The following ARHGAP22 variants were observed in gnomAD, a reference collection of about 807,000 sequenced individuals.
ARHGAP22 encodes the protein rho GTPase-activating protein 22.
Under a neutral mutation model 59.1 loss-of-function variants are expected in ARHGAP22, and 48 were observed. The ratio of observed to expected loss-of-function variants is 0.81; its 90% CI spans 0.64 to 1.03. ARHGAP22 has a LOEUF of 1.03. ARHGAP22 is among the 50% of genes least tolerant of loss of function. The pLI is 0.00. For missense variants in ARHGAP22, 1,015 were observed against 958.7 expected (o/e 1.06, Z -0.78); for synonymous variants, 445 against 416.4 (o/e 1.07, Z -0.84).
intron 3 of ARHGAP22, among the ~76,000 whole-genome samples, chr10:48,491,757 T>G (rs1056598952): frequency 6.6e-6 from 1 of 152,250 alleles, no homozygotes; most frequent in South Asian, 2.1e-4. Context: ...TGTGGGATCT[T>G]GAGGGAAGCA....
chr10:48,459,672 T>C lies in ARHGAP22; in HGVS notation c.659+12A>G, dbSNP rs777618717. On this transcript the variant is annotated intron_variant, in intron 5 of 9. Coordinates refer to ENST00000249601, the MANE Select transcript of ARHGAP22 (RefSeq NM_021226.4). ...ACAAATGGCTCCACCTTACCCCCGATCACAAGCTCACCTGTCAAACAGTGG... is the reference window on the plus strand; with the variant it reads ...ACAAATGGCTCCACCTTACCCCCGACCACAAGCTCACCTGTCAAACAGTGG... The C allele has an allele frequency of 3.9e-5, 63 of 1,613,852 alleles. No homozygotes were observed. The highest frequency in any genetic ancestry group is 5.3e-5 in the Non-Finnish European group (62 of 1,179,904).
chr10:48,435,494 T>C, the ARHGAP22 span: 1 of 152,456 alleles, frequency 6.6e-6, no homozygotes, highest in African/African-American at 2.4e-5. Context: ...TGCTTATCAA[T>C]GAAATAACCC....
At chr10:48,445,944 A>AG (rs1169999057), downstream of ARHGAP22, 5 of 179,474 alleles carry the variant, frequency 2.8e-5, no homozygotes, top group African/African-American at 1.2e-4. Flanking sequence ...GGCATACCTC[A>AG]GGGGGCTCCT....
chr10:48,560,369 A>G (rs116002157), intron 2 of ARHGAP22, among the ~76,000 whole-genome samples: 2,030 of 152,254 alleles, frequency 0.013, 29 homozygotes, highest in African/African-American at 0.045. Flanking sequence ...ATTTTCCCCA[A>G]CAATAATAAC....
chr10:48,637,584 A>T (rs1487809791), intron 1 of ARHGAP22, among the ~76,000 whole-genome samples: 1 of 151,452 alleles, frequency 6.6e-6, no homozygotes, highest in Non-Finnish European at 1.5e-5. Context: ...GGGTAGATGG[A>T]TGGATAAATG....
upstream of ARHGAP22, chr10:48,605,215 G>C (rs911680920): frequency 1.0e-6 from 1 of 970,784 alleles, no homozygotes; most frequent in African/African-American, 1.8e-5. Flanking sequence ...AGGGTACTGG[G>C]GTTCCGGCCA....
chr10:48,555,303 ATGTGAGTATGC>A (rs1450785358), intron 3 of ARHGAP22, among the ~76,000 whole-genome samples, 149 bp downstream of exon 3: 1 of 152,194 alleles, frequency 6.6e-6, no homozygotes, highest in Non-Finnish European at 1.5e-5. Context: ...TTTCTTCCCC[ATGTGAGTATGC>A]TGTCGATTTG....
At chr10:48,534,664 C>T (rs1456923637) in intron 3 of ARHGAP22, among the ~76,000 whole-genome samples, 2 of 152,212 alleles carry the variant, frequency 1.3e-5, no homozygotes, top group East Asian at 3.8e-4. Context: ...TTAATCCCTG[C>T]AAGAACCCTA....
chr10:48,578,913 T>C (rs962110178), intron 2 of ARHGAP22, among the ~76,000 whole-genome samples: 1 of 152,138 alleles, frequency 6.6e-6, no homozygotes, highest in African/African-American at 2.4e-5. Flanking sequence ...TTACCTTTTT[T>C]TTTCCGTTCT....
intron 5 of ARHGAP22, among the ~76,000 whole-genome samples, chr10:48,458,249 C>T (rs1269821903): frequency 1.3e-5 from 2 of 152,086 alleles, no homozygotes; most frequent in Admixed American, 1.3e-4. Context: ...AGGGAGAAGG[C>T]AGACAGGGGA....
the ARHGAP22 span, chr10:48,438,988 G>A: frequency 2.0e-5 from 3 of 152,134 alleles, no homozygotes; most frequent in Non-Finnish European, 4.4e-5. Flanking sequence ...TCTTTTAGCT[G>A]AATAATGAAG....
chr10:48,477,361 T>C (rs2048850962), intron 4 of ARHGAP22, among the ~76,000 whole-genome samples: 1 of 152,244 alleles, frequency 6.6e-6, no homozygotes, highest in Admixed American at 6.5e-5. Context: ...ATTCCCATTG[T>C]TGTGGAGTTT....
intron 3 of ARHGAP22, among the ~76,000 whole-genome samples, chr10:48,553,846 G>T (rs540988943): frequency 2.0e-5 from 3 of 152,270 alleles, no homozygotes; most frequent in African/African-American, 7.2e-5. Context: ...CACACTCAGT[G>T]CCTTTCTGAA....
In ARHGAP22 at chr10:48,450,540, G is replaced by C. The variant is rs536391816; in HGVS notation, c.1589C>G (p.Thr530Arg). Residue 530 changes from threonine to arginine, a missense_variant, in exon 9 of 10, where the codon ACG (threonine) becomes AGG (arginine). Physicochemically the swap from Thr to Arg is moderately conservative, Grantham distance 71 (BLOSUM62 -1). Coordinates refer to ENST00000249601, the MANE Select transcript of ARHGAP22 (RefSeq NM_021226.4). ...SSVGGSLSSC[T>R]ACRASDSSAR... ...AGACGAGTCGCTGGCGCGGCAGGCC[G>C]TGCAGCTGCTGAGTGAGCCCCCCAC... 6.6e-7 allele frequency: 1 copy of C among 1,519,600 alleles called. No individual in the cohort carries two copies. The highest frequency in any genetic ancestry group is 2.5e-5 in the East Asian group (1 of 40,800). 94.1% of individuals were successfully genotyped at this position (1,519,600 alleles called of 1,614,324 possible).
chr10:48,561,723 C>A (rs1291904707), intron 2 of ARHGAP22, among the ~76,000 whole-genome samples: 1 of 152,064 alleles, frequency 6.6e-6, no homozygotes, highest in Non-Finnish European at 1.5e-5. Context: ...GGAAGATAAG[C>A]TCATGAGATG....
chr10:48,633,066 G>A (rs2061683070), intron 1 of ARHGAP22, among the ~76,000 whole-genome samples: 1 of 152,240 alleles, frequency 6.6e-6, no homozygotes, highest in Non-Finnish European at 1.5e-5. Flanking sequence ...GATATGAGAA[G>A]AGCATGAGCT....
At chr10:48,431,480 A>T in the ARHGAP22 span, among the ~76,000 whole-genome samples, 1 of 152,214 alleles carries the variant, frequency 6.6e-6, no homozygotes, top group East Asian at 1.9e-4. Flanking sequence ...TTTTTCTATG[A>T]TACTGACATT....
intron 2 of ARHGAP22, among the ~76,000 whole-genome samples, chr10:48,565,757 C>T (rs1305788158): frequency 2.0e-5 from 3 of 152,154 alleles, no homozygotes; most frequent in Non-Finnish European, 4.4e-5. Context: ...TGTATATACA[C>T]TAGGGGCCTA....
At chr10:48,505,787 T>G (rs4838609) in intron 3 of ARHGAP22, among the ~76,000 whole-genome samples, 33,666 of 151,922 alleles carry the variant, frequency 0.22, 6,321 homozygotes, top group East Asian at 0.59. Context: ...ATGCTGGAGA[T>G]GTAGCCAAGG....
Sources: gnomAD v4.1 joint callset for allele counts (sites outside exome capture counted in the v4.1 genomes callset) on GRCh38, gnomAD v4.1.1 for gene constraint, MANE v1.5 for transcripts, NCBI Gene and HGNC (gene_info 2026-07-23, HGNC 2026-07-21) for gene names.